The following PXDNL variants were observed in gnomAD, a reference collection of about 807,000 sequenced individuals.
PXDNL encodes the protein probable oxidoreductase PXDNL.
A neutral mutation model predicts 150.8 loss-of-function variants in PXDNL; 145 were observed. That is an observed-to-expected ratio of 0.96 (90% CI 0.84 to 1.10). PXDNL has a LOEUF of 1.10. Ranked by LOEUF, PXDNL falls within the 50% of genes least tolerant of loss-of-function variation. The pLI, the probability that PXDNL is intolerant of heterozygous loss-of-function variation, is 0.00. For synonymous variants in PXDNL, 757 were observed against 725.7 expected (o/e 1.04, Z -0.69); for missense variants, 2,087 against 1,873.9 (o/e 1.11, Z -2.10).
chr8:51,329,985 C>T (rs1805634111), intron 21 of PXDNL, among the ~76,000 whole-genome samples: 1 of 152,168 alleles, frequency 6.6e-6, no homozygotes, highest in Admixed American at 6.5e-5. Flanking sequence ...GTCTGAAGGC[C>T]TGAGAACCAG....
intron 2 of PXDNL, among the ~76,000 whole-genome samples, chr8:51,611,483 G>A (rs1337795367): frequency 6.6e-6 from 1 of 152,060 alleles, no homozygotes; most frequent in Non-Finnish European, 1.5e-5. Flanking sequence ...ACTTTTTTGT[G>A]TAATTGACTG....
At chr8:51,634,773 C>A (rs187969815) in intron 2 of PXDNL, among the ~76,000 whole-genome samples, 1 of 151,918 alleles carries the variant, frequency 6.6e-6, no homozygotes, top group Non-Finnish European at 1.5e-5. Flanking sequence ...ATATGGCTCC[C>A]GGTTTGAACA....
intron 4 of PXDNL, among the ~76,000 whole-genome samples, chr8:51,506,851 C>T (rs1585534657): frequency 6.6e-6 from 1 of 152,182 alleles, no homozygotes; most frequent in South Asian, 2.1e-4. Context: ...CAAGATTGAG[C>T]GCCAACCTGT....
chr8:51,746,702 T>C (rs891375454), intron 1 of PXDNL, among the ~76,000 whole-genome samples: 2 of 152,162 alleles, frequency 1.3e-5, no homozygotes, highest in Non-Finnish European at 2.9e-5. Flanking sequence ...TTGCTTCTTG[T>C]GGTTGAAGAA....
At chr8:51,756,115 C>G (rs533871497) in intron 1 of PXDNL, among the ~76,000 whole-genome samples, 145 of 152,112 alleles carry the variant, frequency 9.5e-4, no homozygotes, top group Non-Finnish European at 1.5e-3. Flanking sequence ...TGAATTCAAC[C>G]GGGTGCAGTG....
chr8:51,741,274 G>A (rs2036904234), intron 1 of PXDNL, among the ~76,000 whole-genome samples: 1 of 152,126 alleles, frequency 6.6e-6, no homozygotes, highest in Admixed American at 6.6e-5. Context: ...GCGTAGAGGT[G>A]TTTATACTAT....
At chr8:51,453,353 A>G (rs1480292108) in intron 10 of PXDNL, among the ~76,000 whole-genome samples, 166 bp downstream of exon 10, 1 of 152,242 alleles carries the variant, frequency 6.6e-6, no homozygotes, top group African/African-American at 2.4e-5. Flanking sequence ...GAAAAAAAAC[A>G]ACTTTTAACT....
At chr8:51,763,179 T>C (rs1456501687) in intron 1 of PXDNL, among the ~76,000 whole-genome samples, 2 of 152,160 alleles carry the variant, frequency 1.3e-5, no homozygotes, top group African/African-American at 4.8e-5. Flanking sequence ...TTTATATAAA[T>C]GATATCATAG....
At position 51,453,521 on chromosome 8, in the gene PXDNL, T is replaced by G. The variant is rs1486924029; in HGVS notation, c.1247A>C (p.Gln416Pro). The G allele has an allele frequency of 5.6e-6, 9 of 1,614,038 alleles. No individual in the cohort carries two copies. Among genetic ancestry groups the G allele is most frequent in the Non-Finnish European group, 6.8e-6 (8 of 1,179,880 alleles). The change falls in exon 10 of 23, where the codon CAA (glutamine) becomes CCA (proline). Residue 416 changes from glutamine (Q) to proline (P), a missense_variant and splice_region_variant. Transcript: ENST00000356297. ...ATCATGACCTTCTGCTCCCATACCT[T>G]GTACAATTATGTTTGCTGCAGCTTG... ...TVQAAANIIV[Q>P]APPQFTVTPK... is the part of the protein sequence containing the mutation.
At chr8:51,321,583 G>A (rs1805316183) in intron 21 of PXDNL, among the ~76,000 whole-genome samples, 1 of 151,966 alleles carries the variant, frequency 6.6e-6, no homozygotes, top group African/African-American at 2.4e-5. Flanking sequence ...ATTCTCATGA[G>A]ATCTGATGGT....
chr8:51,716,779 C>G (rs1038774013), intron 1 of PXDNL, among the ~76,000 whole-genome samples: 1 of 152,304 alleles, frequency 6.6e-6, no homozygotes, highest in African/African-American at 2.4e-5. Context: ...CGATTGCACC[C>G]CTAGCTCCTG....
At chr8:51,599,745 AATG>A (rs1205341940) in intron 2 of PXDNL, among the ~76,000 whole-genome samples, 3 of 146,516 alleles carry the variant, frequency 2.0e-5, no homozygotes, top group African/African-American at 7.5e-5. Context: ...ATCTTATATA[AATG>A]ATATCGTTTA....
chr8:51,575,400 A>G (rs1432912028), intron 3 of PXDNL, among the ~76,000 whole-genome samples: 2 of 152,014 alleles, frequency 1.3e-5, no homozygotes, highest in Non-Finnish European at 2.9e-5. Flanking sequence ...CAATATATCA[A>G]TAATTACATT....
chr8:51,435,050 G>C (rs1264256892), intron 12 of PXDNL, among the ~76,000 whole-genome samples: 1 of 152,158 alleles, frequency 6.6e-6, no homozygotes, highest in African/African-American at 2.4e-5. Flanking sequence ...CGGATGCGAT[G>C]GCTCAGGCCT....
chr8:51,380,098 T>A (rs1225984197), intron 17 of PXDNL, among the ~76,000 whole-genome samples: 1 of 149,998 alleles, frequency 6.7e-6, no homozygotes, highest in Non-Finnish European at 1.5e-5. Flanking sequence ...ACACATAAAA[T>A]ACACTAACAC....
At chr8:51,620,275 A>G (rs979181811) in intron 2 of PXDNL, among the ~76,000 whole-genome samples, 2 of 152,196 alleles carry the variant, frequency 1.3e-5, no homozygotes, top group Non-Finnish European at 2.9e-5. Context: ...GTAATTTTCT[A>G]TATTTTGAAG....
intron 1 of PXDNL, among the ~76,000 whole-genome samples, chr8:51,752,140 A>G (rs2037051437): frequency 6.6e-6 from 1 of 152,196 alleles, no homozygotes; most frequent in Non-Finnish European, 1.5e-5. Context: ...ATCTATAACT[A>G]AGCTCTGAGT....
intron 1 of PXDNL, among the ~76,000 whole-genome samples, chr8:51,746,980 C>T (rs2036990327): frequency 6.6e-6 from 1 of 152,226 alleles, no homozygotes; most frequent in Admixed American, 6.5e-5. Flanking sequence ...ACCTCAGCCT[C>T]CCAAAGTTCT....
intron 4 of PXDNL, among the ~76,000 whole-genome samples, chr8:51,549,385 T>C (rs1344865300): frequency 6.6e-6 from 1 of 152,098 alleles, no homozygotes; most frequent in Non-Finnish European, 1.5e-5. Context: ...ATATATTTTT[T>C]TCATCAGAAC....
Sources: allele counts gnomAD v4.1 joint callset (sites outside exome capture counted in the v4.1 genomes callset), GRCh38; gene constraint gnomAD v4.1.1; transcripts MANE v1.5; gene names NCBI Gene and HGNC (gene_info 2026-07-23, HGNC 2026-07-21).